RIF1: variants seen among roughly 807,000 people sequenced by gnomAD.
The protein encoded by RIF1 is replication timing regulatory factor 1, also known as telomere-associated protein RIF1.
A neutral mutation model predicts 247.1 loss-of-function variants in RIF1; 45 were observed. That is an observed-to-expected ratio of 0.18 (90% CI 0.14 to 0.23). The LOEUF is 0.23. Among genes scored for constraint, RIF1 ranks in the 10% least tolerant of loss-of-function variants. RIF1 has a pLI of 1.00. For missense variants in RIF1, 2,967 were observed against 2,862.5 expected (o/e 1.04, Z -0.83); for synonymous variants, 1,087 against 978.8 (o/e 1.11, Z -2.06).
Position 151,459,543 on chromosome 2 carries a change from AAC to A in RIF1, c.2956-455_2956-454del, listed in dbSNP as rs1306177561. On this transcript the variant is annotated intron_variant, in intron 25 of 35. Coordinates refer to ENST00000444746, the MANE Select transcript of RIF1 (RefSeq NM_018151.5). ...AGTAAAAATTTTCCACTAGATAACT[AAC>A]AGACTTGTGAAAGAGTTCAGTGGAA... Among the ~76,000 whole-genome samples the A allele has an allele frequency of 2.6e-5, 4 of 152,358 alleles. No homozygotes were observed. In the East Asian group the frequency reaches 7.7e-4, roughly 29 times the overall value.
intron 12 of RIF1, chr2:151,505,883 T>G (rs1244807392): frequency 1.8e-6 from 1 of 546,942 alleles, no homozygotes; most frequent in African/African-American, 1.9e-5. Context: ...ATAAACAGAT[T>G]GACATACATA....
At chr2:151,449,805 G>C (rs1159911067) in intron 20 of RIF1, among the ~76,000 whole-genome samples, 2 of 149,484 alleles carry the variant, frequency 1.3e-5, no homozygotes, top group Admixed American at 6.7e-5. Flanking sequence ...GTAAGACTTT[G>C]ATTACTGCCA....
intron 31 of RIF1, 26 bp downstream of exon 31, chr2:151,468,172 A>G (rs751453896): frequency 6.4e-6 from 10 of 1,567,000 alleles, no homozygotes; most frequent in African/African-American, 5.5e-5. Flanking sequence ...TAAAATATAC[A>G]TATATGTATA....
intron 23 of RIF1, 71 bp from the exon 24 acceptor site, chr2:151,457,690 G>A: frequency 2.6e-6 from 3 of 1,151,412 alleles, no homozygotes; most frequent in South Asian, 2.8e-5. Context: ...TTTAAAAATT[G>A]AAATAGCAAC....
At chr2:151,513,608 G>A in the RIF1 span, 1 of 1,609,310 alleles carries the variant, frequency 6.2e-7, no homozygotes, top group Non-Finnish European at 8.5e-7. Context: ...AGCATTCCTG[G>A]CCCTCATAAA....
chr2:151,464,587 T>C lies in RIF1; in HGVS notation c.5067T>C (p.Phe1689=), dbSNP rs748370202. 3 of 1,613,428 alleles carry C rather than the reference T, an allele frequency of 1.9e-6. No individual in the cohort carries two copies. Among genetic ancestry groups the C allele is most frequent in the African/African-American group, 1.3e-5 (1 of 74,898 alleles). Residue 1689 remains phenylalanine, a synonymous_variant, in exon 30 of 36, where the codon TTT becomes TTC. Coordinates refer to ENST00000444746, the MANE Select transcript of RIF1 (RefSeq NM_018151.5). ...AIKRLHKRDS[F]DNCSLGESSK... ...AGAGATTACATAAGCGAGACTCTTT[T>C]GATAATTGTAGTTTGGGAGAATCCT...
intron 9 of RIF1, among the ~76,000 whole-genome samples, chr2:151,430,331 T>G (rs537093779): frequency 6.6e-6 from 1 of 151,608 alleles, no homozygotes; most frequent in Admixed American, 6.6e-5. Context: ...TTTTTTTTCT[T>G]TTTTGTTTGA....
chr2:151,431,512 G>A (rs1690118794), intron 9 of RIF1, among the ~76,000 whole-genome samples: 2 of 152,202 alleles, frequency 1.3e-5, no homozygotes, highest in Admixed American at 1.3e-4. Context: ...ATAGAATAGA[G>A]TCCAGACGTG....
the RIF1 span, among the ~76,000 whole-genome samples, chr2:151,527,798 C>G: frequency 6.6e-6 from 1 of 152,178 alleles, no homozygotes; most frequent in Admixed American, 6.5e-5. Context: ...GAAATAGAGG[C>G]TAAAATTTTT....
Position 151,465,574 on chromosome 2 carries a change from G to A in RIF1, c.6054G>A (p.Met2018Ile). ...LHSSEETNTK[M>I]KNNEEMMIGE... ...CATCTGAAGAAACGAATACCAAAAT[G>A]AAAAATAATGAAGAAATGATGATCG... The change falls in exon 30 of 36, where the codon ATG (methionine) becomes ATA (isoleucine). Residue 2018 changes from methionine to isoleucine, a missense_variant. By Grantham distance (10) the Met-to-Ile change is conservative. Coordinates refer to ENST00000444746, the MANE Select transcript of RIF1 (RefSeq NM_018151.5). 6.2e-7 allele frequency: 1 copy of A among 1,613,732 alleles called. No individual in the cohort carries two copies. Among genetic ancestry groups the A allele is most frequent in the Non-Finnish European group, 8.5e-7 (1 of 1,179,836 alleles).
intron 10 of RIF1, chr2:151,498,079 T>C: frequency 6.8e-7 from 1 of 1,466,200 alleles, no homozygotes; most frequent in Non-Finnish European, 9.0e-7. Context: ...TTTGTAAATA[T>C]CAGATGAAGT....
intron 20 of RIF1, among the ~76,000 whole-genome samples, chr2:151,448,892 G>A (rs1693776941): frequency 6.6e-6 from 1 of 151,076 alleles, no homozygotes; most frequent in Admixed American, 6.6e-5. Flanking sequence ...AATGGTCTTA[G>A]TTAGGCTTTC....
intron 9 of RIF1, chr2:151,490,453 CA>C: frequency 2.5e-6 from 4 of 1,606,996 alleles, no homozygotes; most frequent in Non-Finnish European, 3.4e-6. Flanking sequence ...GACTTCTCCT[CA>C]CCCCCACTGA....
downstream of RIF1, among the ~76,000 whole-genome samples, chr2:151,487,120 C>T (rs2051298605): frequency 6.6e-6 from 1 of 152,022 alleles, no homozygotes; most frequent in Admixed American, 6.6e-5. Context: ...TATTTATGGC[C>T]TTTTTCTACC....
Position 151,416,913 on chromosome 2 carries a change from G to A in RIF1, c.503+12G>A. The A allele has an allele frequency of 6.3e-7, 1 of 1,575,108 alleles. No individual in the cohort carries two copies. The stretch of plus-strand genomic sequence containing the variant: ...AATGTTATCGTAAGGTATGCATTTG[G>A]ATGTTGTGCAAATTGAAGAATAGTT... On this transcript the variant is annotated intron_variant, in intron 6 of 35. Coordinates refer to ENST00000444746, the MANE Select transcript of RIF1 (RefSeq NM_018151.5).
chr2:151,416,822 G>T lies in RIF1; in HGVS notation c.424G>T (p.Asp142Tyr). ...VVGKMVSSII[D>Y]SLEILFNKGE... is the part of the protein sequence containing the mutation. ...CGTTTTTTAGGTATCCAGTATAATT[G>T]ATTCATTAGAAATACTGTTTAACAA... Residue 142 changes from aspartate (D) to tyrosine (Y), a missense_variant, in exon 6 of 36, where the codon GAT becomes TAT. Asp to Tyr is a radical substitution (Grantham distance 160). Transcript: ENST00000444746. The T allele has an allele frequency of 1.2e-6, 2 of 1,610,912 alleles. No homozygotes were observed. The highest frequency in any genetic ancestry group is 2.2e-5 in the South Asian group (2 of 90,366).
intron 10 of RIF1, chr2:151,499,250 T>C (rs1280236289): frequency 9.6e-7 from 1 of 1,042,168 alleles, no homozygotes; most frequent in Non-Finnish European, 1.4e-6. Context: ...CATTAATCTT[T>C]TTAAACATTT....
At chr2:151,438,605 AAG>A in intron 13 of RIF1, 77 bp from the exon 14 acceptor site, 1 of 865,510 alleles carries the variant, frequency 1.2e-6, no homozygotes, top group South Asian at 1.4e-5. Flanking sequence ...TAATGTAAGG[AAG>A]TAAAGGGAGA....
intron 9 of RIF1, 29 bp from the exon 10 acceptor site, chr2:151,433,048 C>A: frequency 6.3e-7 from 1 of 1,581,972 alleles, no homozygotes; most frequent in Non-Finnish European, 8.6e-7. Flanking sequence ...TTGGACGTCT[C>A]TTTAACTGTG....
Sources: allele counts gnomAD v4.1 joint callset (sites outside exome capture counted in the v4.1 genomes callset), GRCh38; gene constraint gnomAD v4.1.1; transcripts MANE v1.5; gene names NCBI Gene and HGNC (gene_info 2026-07-23, HGNC 2026-07-21).